The following CLIC5 variants were observed in gnomAD, a reference collection of about 807,000 sequenced individuals.
CLIC5 encodes the protein CLIC family member 5.
CLIC5 carries 20 observed loss-of-function variants against 24.7 expected under a neutral mutation model. That is an observed-to-expected ratio of 0.81 (90% CI 0.57 to 1.18). The LOEUF is 1.18. CLIC5 is among the 50% of genes most tolerant of loss of function. The pLI is 0.00. For synonymous variants in CLIC5, 159 were observed against 135.6 expected (o/e 1.17, Z -1.20); for missense variants, 341 against 326.1 (o/e 1.05, Z -0.35).
chr6:45,996,039 G>T (rs1371388990), intron 1 of CLIC5, among the ~76,000 whole-genome samples: 1 of 151,750 alleles, frequency 6.6e-6, no homozygotes, highest in Non-Finnish European at 1.5e-5. Flanking sequence ...CCAGGTAATG[G>T]GTTGATAGGT....
chr6:46,042,214 G>C (rs552582428), intron 1 of CLIC5, among the ~76,000 whole-genome samples: 30 of 152,150 alleles, frequency 2.0e-4, no homozygotes, highest in African/African-American at 6.7e-4. Flanking sequence ...CGTTTGCCTT[G>C]CTTAAATATT....
intron 5 of CLIC5, among the ~76,000 whole-genome samples, chr6:45,909,239 C>T (rs966197819): frequency 7.2e-5 from 11 of 152,060 alleles, no homozygotes; most frequent in African/African-American, 2.7e-4. Context: ...TCCAAATTGC[C>T]ACTCTATGTC....
chr6:46,079,570 T>A (rs1762867555), intron 1 of CLIC5: 4 of 743,672 alleles, frequency 5.4e-6, no homozygotes, highest in Non-Finnish European at 8.7e-6. Context: ...ATTTAGTCCC[T>A]CCGACTCCTG....
At chr6:46,104,433 T>C in the CLIC5 span, among the ~76,000 whole-genome samples, 48 of 152,208 alleles carry the variant, frequency 3.2e-4, no homozygotes, top group South Asian at 9.1e-3. Flanking sequence ...GAGTTTGTCT[T>C]AACAAGTCCC....
chr6:45,914,138 G>C lies in CLIC5; in HGVS notation c.588+90C>G, dbSNP rs112681836. 2,315 of 1,059,588 alleles carry C rather than the reference G, an allele frequency of 2.2e-3. 35 individuals are homozygous for C. The African/African-American group carries it at 0.033, about 15-fold the overall frequency. 65.6% of individuals were successfully genotyped at this position (1,059,588 alleles called of 1,614,324 possible). Reference sequence around the variant, plus strand: ...TCAGGGTCCAGGTTCTTGACCAACAGGTGGTACTGTCCTTGACTCATCCAC... The same window carrying C: ...TCAGGGTCCAGGTTCTTGACCAACACGTGGTACTGTCCTTGACTCATCCAC... On this transcript the variant is annotated intron_variant, in intron 5 of 5. Transcript: ENST00000339561.
chr6:45,916,118 T>C (rs1440878599), intron 4 of CLIC5, among the ~76,000 whole-genome samples: 1 of 152,180 alleles, frequency 6.6e-6, no homozygotes, highest in East Asian at 1.9e-4. Flanking sequence ...TTTGAGACAA[T>C]GGAAAGACAC....
chr6:45,965,753 T>G (rs1443543186), intron 1 of CLIC5, among the ~76,000 whole-genome samples: 3 of 152,230 alleles, frequency 2.0e-5, no homozygotes, highest in African/African-American at 7.2e-5. Context: ...GTTTTCCACT[T>G]AATGAGGCCA....
intron 4 of CLIC5, chr6:45,932,557 G>A (rs1763779510): frequency 6.6e-6 from 1 of 152,396 alleles, no homozygotes; most frequent in Non-Finnish European, 1.5e-5. Context: ...TGACCCCCGG[G>A]GTAGGGAGGA....
chr6:46,059,421 T>C (rs1340064682), intron 1 of CLIC5, among the ~76,000 whole-genome samples: 1 of 152,260 alleles, frequency 6.6e-6, no homozygotes, highest in Non-Finnish European at 1.5e-5. Flanking sequence ...CTTGCTATTG[T>C]TGCTGTAGGC....
the CLIC5 span, among the ~76,000 whole-genome samples, chr6:46,117,810 GATT>G: frequency 6.6e-6 from 1 of 151,724 alleles, no homozygotes. Context: ...TTCTAAAATA[GATT>G]TTTTTTCACA....
intron 1 of CLIC5, among the ~76,000 whole-genome samples, chr6:46,049,359 G>T (rs1311787519): frequency 6.6e-6 from 1 of 152,184 alleles, no homozygotes; most frequent in African/African-American, 2.4e-5. Context: ...AAATGTCCCT[G>T]TGATTAAGTT....
At chr6:45,964,542 C>A (rs967741640) in intron 1 of CLIC5, among the ~76,000 whole-genome samples, 1 of 152,164 alleles carries the variant, frequency 6.6e-6, no homozygotes, top group African/African-American at 2.4e-5. Flanking sequence ...GGGATGCTTG[C>A]CCCTGGAACC....
chr6:45,932,349 G>A (rs150957245), intron 4 of CLIC5, among the ~76,000 whole-genome samples: 1 of 151,344 alleles, frequency 6.6e-6, no homozygotes, highest in Admixed American at 6.6e-5. Context: ...CCTCGTGATC[G>A]GCCTGCCTTG....
chr6:45,897,490 G>A (rs1435294937), downstream of CLIC5, among the ~76,000 whole-genome samples: 6 of 152,102 alleles, frequency 3.9e-5, no homozygotes. Context: ...TCTGCCTGTG[G>A]AAGATGGGAG....
At chr6:46,020,404 A>T (rs1767142874), upstream of CLIC5, among the ~76,000 whole-genome samples, 3 of 152,158 alleles carry the variant, frequency 2.0e-5, no homozygotes, top group East Asian at 5.8e-4. Context: ...ACATATCAAA[A>T]TTTGTGAGAT....
chr6:45,999,370 A>G (rs972855430), intron 1 of CLIC5, among the ~76,000 whole-genome samples: 10 of 152,236 alleles, frequency 6.6e-5, no homozygotes, highest in Non-Finnish European at 1.0e-4. Flanking sequence ...TGCTGGGTAT[A>G]TGGTGTGTGC....
At chr6:45,977,025 T>C (rs369776615) in intron 1 of CLIC5, among the ~76,000 whole-genome samples, 1 of 152,200 alleles carries the variant, frequency 6.6e-6, no homozygotes, top group Non-Finnish European at 1.5e-5. Flanking sequence ...GAATAAATTA[T>C]TTCCTTTCAG....
intron 5 of CLIC5, chr6:45,913,707 A>G (rs1216725435): frequency 9.8e-7 from 1 of 1,016,792 alleles, no homozygotes; most frequent in Non-Finnish European, 1.3e-6. Flanking sequence ...CAATGATAGC[A>G]AGAAAGTGAC....
chr6:46,100,974 G>C, the CLIC5 span, among the ~76,000 whole-genome samples: 1 of 152,138 alleles, frequency 6.6e-6, no homozygotes, highest in African/African-American at 2.4e-5. Context: ...ATGGTGGCAG[G>C]ACAGTTATGG....
Sources: gnomAD v4.1 joint callset for allele counts (sites outside exome capture counted in the v4.1 genomes callset) on GRCh38, gnomAD v4.1.1 for gene constraint, MANE v1.5 for transcripts, NCBI Gene and HGNC (gene_info 2026-07-23, HGNC 2026-07-21) for gene names.